NCR3LG1: variants seen among roughly 807,000 people sequenced by gnomAD.
NCR3LG1 encodes natural cytotoxicity triggering receptor 3 ligand 1.
NCR3LG1 carries 35 observed loss-of-function variants against 34.8 expected under a neutral mutation model. The ratio of observed to expected loss-of-function variants is 1.01; its 90% CI spans 0.77 to 1.33. The LOEUF is 1.33. Ranked by LOEUF, NCR3LG1 falls within the 40% of genes most tolerant of loss-of-function variation. The pLI is 0.00. For missense variants in NCR3LG1, 452 were observed against 423.3 expected, an observed-to-expected ratio of 1.07 and a Z score of -0.60; for synonymous variants, 173 against 163.6, an observed-to-expected ratio of 1.06 and a Z score of -0.44.
chr11:17,376,010 G>A lies in NCR3LG1; in HGVS notation c.*3498G>A, dbSNP rs1953472795. On this transcript the variant is annotated 3_prime_UTR_variant, in exon 5 of 5. Transcript: ENST00000338965. ...ACTTAGGAAAGCATAAGACATCAGT[G>A]CATCCAAAGATTGTTCTCAGGAGAA... is the stretch of plus-strand genomic sequence containing the variant. 6.6e-6 allele frequency: 1 copy of A among 152,196 alleles called. No individual in the cohort carries two copies. Among genetic ancestry groups the A allele is most frequent in the African/African-American group, 2.4e-5 (1 of 41,448 alleles). 9.4% of individuals were successfully genotyped at this position (152,196 alleles called of 1,614,324 possible). A position where few individuals can be genotyped will look rare whatever the true frequency, so the allele number is the denominator to read the frequency against.
rs1953350929 is a variant in NCR3LG1, at chr11:17,367,016, A to G, written c.429A>G (p.Pro143=). ...GTVQLEVVAS[P]ASRLLLDQVG... is the part of the protein sequence containing the mutation. Reference sequence around the variant, plus strand: ...ATTTTTTTTCCCTGACAGCTTCCCCAGCCAGCAGATTGTTGCTGGATCAAG... The same window carrying G: ...ATTTTTTTTCCCTGACAGCTTCCCCGGCCAGCAGATTGTTGCTGGATCAAG... Residue 143 remains proline (P), a synonymous_variant, in exon 3 of 5, where the codon CCA becomes CCG. Transcript: ENST00000338965. The G allele has an allele frequency of 6.5e-7, 1 of 1,531,022 alleles. No homozygotes were observed. The highest frequency in any genetic ancestry group is 8.7e-7 in the Non-Finnish European group (1 of 1,143,064). The allele number at this position is 1,531,022 out of a possible 1,614,324, so 94.8% of individuals were successfully genotyped here.
Position 17,365,502 on chromosome 11 carries a change from T to C in NCR3LG1, c.422-1507T>C, listed in dbSNP as rs1953335437. Among the ~76,000 whole-genome samples the C allele has an allele frequency of 4.6e-5, 7 of 152,222 alleles. No homozygotes were observed. The South Asian group carries it at 1.4e-3, about 31-fold the overall frequency. On this transcript the variant is annotated intron_variant, in intron 2 of 4. Transcript: ENST00000338965. The stretch of plus-strand genomic sequence containing the variant: ...GAAGTGTTTCTTAGCCTTTTCTCTT[T>C]CTCTCTTCTTAAGTAATACAGAAAG...
At chr11:17,363,542 CCCTTCCTT>C (rs1227232391) in intron 2 of NCR3LG1, among the ~76,000 whole-genome samples, 2 of 54,658 alleles carry the variant, frequency 3.7e-5, no homozygotes, top group Non-Finnish European at 5.8e-5. Flanking sequence ...CTCCCTCCCT[CCCTTCCTT>C]CCTTCCTTCC....
At chr11:17,356,626 A>T (rs1953208556) in intron 1 of NCR3LG1, 25 bp from the exon 2 acceptor site, 2 of 1,466,598 alleles carry the variant, frequency 1.4e-6, no homozygotes, top group Non-Finnish European at 1.8e-6. Flanking sequence ...GGTAAACTGA[A>T]CATTGTGTCC....
chr11:17,380,185 T>C (rs1455946935), downstream of NCR3LG1, among the ~76,000 whole-genome samples: 1 of 152,166 alleles, frequency 6.6e-6, no homozygotes, highest in Admixed American at 6.5e-5. Flanking sequence ...GTTATCACAT[T>C]GATGAAAAAA....
chr11:17,376,977 C>G lies in NCR3LG1; in HGVS notation c.*4465C>G, dbSNP rs1953483030. The G allele has an allele frequency of 6.6e-6, 1 of 152,162 alleles. No individual in the cohort carries two copies. The highest frequency in any genetic ancestry group is 6.5e-5 in the Admixed American group (1 of 15,274). 9.4% of individuals were successfully genotyped at this position (152,162 alleles called of 1,614,324 possible). ...CAGGCTCTGGGTAACCACCCTGACACATGGCACTATAATGTAAAAAACAAC... is the reference window on the plus strand; with the variant it reads ...CAGGCTCTGGGTAACCACCCTGACAGATGGCACTATAATGTAAAAAACAAC... On this transcript the variant is annotated 3_prime_UTR_variant, in exon 5 of 5. Coordinates refer to ENST00000338965, the MANE Select transcript of NCR3LG1 (RefSeq NM_001202439.3).
At chr11:17,356,122 T>C (rs1953201294) in intron 1 of NCR3LG1, among the ~76,000 whole-genome samples, 1 of 147,880 alleles carries the variant, frequency 6.8e-6, no homozygotes, top group Non-Finnish European at 1.5e-5. Flanking sequence ...CTTTTTCTTT[T>C]CTTTTCTTTC....
At position 17,366,241 on chromosome 11, in the gene NCR3LG1, G is replaced by A. The variant is rs145695048; in HGVS notation, c.422-768G>A. ...CACTCTGCCATCTTCAGTATGTATC[G>A]TCCACCTTGTGTTTGGAAATGGCTT... On this transcript the variant is annotated intron_variant, in intron 2 of 4. Coordinates refer to ENST00000338965, the MANE Select transcript of NCR3LG1 (RefSeq NM_001202439.3). Among the ~76,000 whole-genome samples the A allele has an allele frequency of 2.8e-3, 428 of 152,216 alleles. 5 individuals carry two copies. The highest frequency in any genetic ancestry group is 8.3e-3 in the African/African-American group (344 of 41,530).
At position 17,376,898 on chromosome 11, in the gene NCR3LG1, G is replaced by A. The variant is rs1953482476; in HGVS notation, c.*4386G>A. The stretch of plus-strand genomic sequence containing the variant: ...AAGAAAATTGGAAGCCATATGGAGG[G>A]GAGGCTTTCAGAATTCAGCGTCTCC... On this transcript the variant is annotated 3_prime_UTR_variant, in exon 5 of 5. Transcript: ENST00000338965. 6.6e-6 allele frequency: 1 copy of A among 152,148 alleles called. No individual in the cohort carries two copies. Among genetic ancestry groups the A allele is most frequent in the African/African-American group, 2.4e-5 (1 of 41,420 alleles). 9.4% of individuals were successfully genotyped at this position (152,148 alleles called of 1,614,324 possible).
downstream of NCR3LG1, among the ~76,000 whole-genome samples, chr11:17,378,427 G>A (rs1387212956): frequency 6.6e-6 from 1 of 152,096 alleles, no homozygotes; most frequent in African/African-American, 2.4e-5. Flanking sequence ...CGTGTGTTTT[G>A]TACTAATGTT....
chr11:17,357,740 C>T (rs1953227200), intron 2 of NCR3LG1, among the ~76,000 whole-genome samples: 1 of 152,028 alleles, frequency 6.6e-6, no homozygotes, highest in Admixed American at 6.6e-5. Flanking sequence ...CAGGGTCTCC[C>T]TCTGTTGCCC....
At chr11:17,357,098 T>TC in intron 2 of NCR3LG1, 97 bp downstream of exon 2, 3 of 824,448 alleles carry the variant, frequency 3.6e-6, no homozygotes, top group Non-Finnish European at 5.5e-6. Flanking sequence ...TCCTGTATTA[T>TC]AAAATGGTCT....
At position 17,372,394 on chromosome 11, in the gene NCR3LG1, C is replaced by A. The variant is rs1253946893; in HGVS notation, c.1247C>A (p.Ala416Glu). The A allele has an allele frequency of 2.8e-6, 2 of 703,186 alleles. No individual in the cohort carries two copies. The highest frequency in any genetic ancestry group is 1.5e-5 in the South Asian group (1 of 67,598). 43.6% of individuals were successfully genotyped at this position (703,186 alleles called of 1,614,324 possible). A position where few individuals can be genotyped will look rare whatever the true frequency, so the allele number is the denominator to read the frequency against. The change falls in exon 5 of 5, where the codon GCA becomes GAA. Residue 416 changes from alanine to glutamate, a missense_variant. Transcript: ENST00000338965. ...CAAACCCCTAGGGAACACTCGGATG[C>A]AGTTCCGGATGCCCCAATCCTTCCT... is the stretch of plus-strand genomic sequence containing the variant. ...EKQTPREHSD[A>E]VPDAPILPVS...
intron 1 of NCR3LG1, among the ~76,000 whole-genome samples, chr11:17,355,865 A>G (rs1192856707): frequency 9.2e-5 from 14 of 152,070 alleles, no homozygotes; most frequent in Admixed American, 9.2e-4. Context: ...TGGCATTATC[A>G]CGGCTGACTG....
intron 1 of NCR3LG1, 29 bp downstream of exon 1, chr11:17,352,068 G>A: frequency 7.2e-7 from 1 of 1,396,494 alleles, no homozygotes; most frequent in South Asian, 1.3e-5. Context: ...GGGCTGGGGC[G>A]GGGGCTCCTG....
At chr11:17,371,918 G>A in intron 4 of NCR3LG1, 88 bp from the exon 5 acceptor site, 1 of 615,068 alleles carries the variant, frequency 1.6e-6, no homozygotes, top group African/African-American at 1.8e-5. Flanking sequence ...GGAGAAGGGG[G>A]ACGCCCCTTC....
At position 17,367,352 on chromosome 11, in the gene NCR3LG1, G is replaced by A. The variant is rs1953357570; in HGVS notation, c.760+5G>A. ...CTGCTCGGCACAGTCTTTCTGGTAAGGGTCTTTCTGGACATTTCTTCTCTT... is the reference window on the plus strand; with the variant it reads ...CTGCTCGGCACAGTCTTTCTGGTAAAGGTCTTTCTGGACATTTCTTCTCTT... On this transcript the variant is annotated splice_donor_5th_base_variant and intron_variant, in intron 3 of 4. Transcript: ENST00000338965. 6.6e-7 allele frequency: 1 copy of A among 1,525,462 alleles called. No individual in the cohort carries two copies. The highest frequency in any genetic ancestry group is 1.2e-5 in the South Asian group (1 of 83,068). 94.5% of individuals were successfully genotyped at this position (1,525,462 alleles called of 1,614,324 possible).
intron 1 of NCR3LG1, among the ~76,000 whole-genome samples, chr11:17,354,120 A>T (rs1953176275): frequency 6.6e-6 from 1 of 152,248 alleles, no homozygotes; most frequent in Non-Finnish European, 1.5e-5. Flanking sequence ...TCAGAAATGA[A>T]GTTGAAAAGA....
chr11:17,357,133 G>A, intron 2 of NCR3LG1, 132 bp downstream of exon 2: 1 of 652,246 alleles, frequency 1.5e-6, no homozygotes, highest in Non-Finnish European at 2.6e-6. Flanking sequence ...GAGCTTGGTG[G>A]CTGTATTAGT....
Sources: gnomAD v4.1 joint callset for allele counts (sites outside exome capture counted in the v4.1 genomes callset) on GRCh38, gnomAD v4.1.1 for gene constraint, MANE v1.5 for transcripts, NCBI Gene and HGNC (gene_info 2026-07-23, HGNC 2026-07-21) for gene names.